RAB28: variants seen among roughly 807,000 people sequenced by gnomAD.
The protein encoded by RAB28 is ras-related protein Rab-28.
Under a neutral mutation model 31.7 loss-of-function variants are expected in RAB28, and 24 were observed. That is an observed-to-expected ratio of 0.76 (90% CI 0.55 to 1.06). RAB28 has a LOEUF of 1.06. RAB28 is among the 50% of genes least tolerant of loss of function. RAB28 has a pLI of 0.00. For synonymous variants in RAB28, 100 were observed against 90.4 expected (o/e 1.11, Z -0.60); for missense variants, 254 against 258.5 (o/e 0.98, Z 0.12).
intron 4 of RAB28, among the ~76,000 whole-genome samples, chr4:13,385,817 G>A (rs115681150): frequency 6.6e-5 from 10 of 151,990 alleles, no homozygotes; most frequent in African/African-American, 2.4e-4. Flanking sequence ...ATCCACATGC[G>A]AAAGAATAAA....
At chr4:13,402,864 G>A (rs533114953) in intron 4 of RAB28, among the ~76,000 whole-genome samples, 45 of 152,126 alleles carry the variant, frequency 3.0e-4, no homozygotes, top group Non-Finnish European at 5.9e-4. Context: ...GCGTGATCAC[G>A]GCTCACTGCA....
intron 4 of RAB28, among the ~76,000 whole-genome samples, chr4:13,433,900 T>C (rs1238125333): frequency 6.6e-6 from 1 of 152,016 alleles, no homozygotes; most frequent in Non-Finnish European, 1.5e-5. Flanking sequence ...AACAAAAACA[T>C]GGAATCAACC....
intron 4 of RAB28, among the ~76,000 whole-genome samples, chr4:13,429,955 A>C (rs573912276): frequency 6.6e-6 from 1 of 152,356 alleles, no homozygotes; most frequent in African/African-American, 2.4e-5. Context: ...TACAGTAATC[A>C]AGACAGTGTT....
intron 4 of RAB28, among the ~76,000 whole-genome samples, chr4:13,381,895 G>C (rs1320547338): frequency 6.6e-6 from 1 of 152,034 alleles, no homozygotes; most frequent in African/African-American, 2.4e-5. Context: ...ATCTGTATAA[G>C]TTCAGGCACA....
At chr4:13,419,489 C>T (rs1476778496) in intron 4 of RAB28, among the ~76,000 whole-genome samples, 2 of 152,172 alleles carry the variant, frequency 1.3e-5, no homozygotes, top group Admixed American at 6.5e-5. Context: ...AAATTGACTA[C>T]ATAGTTGGAA....
At chr4:13,470,252 C>T (rs1212363412) in intron 3 of RAB28, among the ~76,000 whole-genome samples, 1 of 151,940 alleles carries the variant, frequency 6.6e-6, no homozygotes, top group Non-Finnish European at 1.5e-5. Context: ...TATATAATAG[C>T]CATAACAACA....
At chr4:13,411,933 A>G (rs1373865561) in intron 4 of RAB28, among the ~76,000 whole-genome samples, 4 of 152,090 alleles carry the variant, frequency 2.6e-5, no homozygotes, top group East Asian at 3.9e-4. Context: ...TTTTATCTAT[A>G]TAAATTATGA....
intron 4 of RAB28, among the ~76,000 whole-genome samples, chr4:13,396,504 C>T (rs1729879058): frequency 6.6e-6 from 1 of 151,940 alleles, no homozygotes; most frequent in Non-Finnish European, 1.5e-5. Flanking sequence ...AGAAGAATTG[C>T]TAATGCAAGA....
intron 5 of RAB28, among the ~76,000 whole-genome samples, chr4:13,380,119 T>C (rs1020964360): frequency 7.9e-5 from 12 of 152,148 alleles, no homozygotes; most frequent in African/African-American, 2.7e-4. Context: ...TCTACAATTA[T>C]TGACATTACA....
At chr4:13,406,899 C>A (rs941784043) in intron 4 of RAB28, among the ~76,000 whole-genome samples, 2 of 152,122 alleles carry the variant, frequency 1.3e-5, no homozygotes, top group East Asian at 3.9e-4. Context: ...GGATATTAGC[C>A]CTTTGTCAAA....
chr4:13,377,244 G>C (rs983806487), intron 5 of RAB28, among the ~76,000 whole-genome samples: 1 of 152,146 alleles, frequency 6.6e-6, no homozygotes, highest in African/African-American at 2.4e-5. Flanking sequence ...TCCACACATA[G>C]TTAGCTTATG....
chr4:13,409,114 G>A (rs1712272322), intron 4 of RAB28, among the ~76,000 whole-genome samples: 2 of 151,892 alleles, frequency 1.3e-5, no homozygotes, highest in African/African-American at 4.8e-5. Flanking sequence ...ATCTCATGTG[G>A]GGTCAAAAGT....
chr4:13,441,557 A>G (rs1441538862), intron 4 of RAB28, among the ~76,000 whole-genome samples: 1 of 152,216 alleles, frequency 6.6e-6, no homozygotes, highest in African/African-American at 2.4e-5. Flanking sequence ...TTTCACTATA[A>G]TGATGCTTCC....
At chr4:13,433,627 C>G (rs1019016637) in intron 4 of RAB28, among the ~76,000 whole-genome samples, 1 of 150,768 alleles carries the variant, frequency 6.6e-6, no homozygotes, top group African/African-American at 2.4e-5. Context: ...TCACACCAGT[C>G]AGCTATTATT....
chr4:13,450,280 A>G (rs1217404020), intron 4 of RAB28, among the ~76,000 whole-genome samples: 1 of 151,876 alleles, frequency 6.6e-6, no homozygotes, highest in Non-Finnish European at 1.5e-5. Flanking sequence ...AGTCTTTCAT[A>G]TTTATTTAAC....
Position 13,376,639 on chromosome 4 carries a change from G to GT in RAB28, c.496-18_496-17insA. ...CAGGAAGACCTACATAACAAAAATGGGTTTAAATGATTTAAAAGAGGCATG... is the reference window on the plus strand; with the variant it reads ...CAGGAAGACCTACATAACAAAAATGGTGTTTAAATGATTTAAAAGAGGCATG... On this transcript the variant is annotated splice_polypyrimidine_tract_variant and intron_variant, in intron 5 of 6. Transcript: ENST00000330852. 1 of 1,551,500 alleles carries GT rather than the reference G, an allele frequency of 6.4e-7. No individual in the cohort carries two copies. Among genetic ancestry groups the GT allele is most frequent in the Non-Finnish European group, 8.7e-7 (1 of 1,145,862 alleles).
Position 13,368,279 on chromosome 4 carries a change from C to G in RAB28, c.*279G>C. On this transcript the variant is annotated 3_prime_UTR_variant, in exon 7 of 7. Transcript: ENST00000330852. ...ACATCAATGAAAAAAGAAGCAAGGACATACAAAGAAACAACATCATTCTTT... is the reference window on the plus strand; with the variant it reads ...ACATCAATGAAAAAAGAAGCAAGGAGATACAAAGAAACAACATCATTCTTT... 2 of 1,073,754 alleles carry G rather than the reference C, an allele frequency of 1.9e-6. No individual in the cohort carries two copies. Among genetic ancestry groups the G allele is most frequent in the Non-Finnish European group, 2.3e-6 (2 of 887,956 alleles). The allele number at this position is 1,073,754 out of a possible 1,614,324, so 66.5% of individuals were successfully genotyped here.
At chr4:13,443,496 G>C (rs1460403014) in intron 4 of RAB28, among the ~76,000 whole-genome samples, 1 of 152,120 alleles carries the variant, frequency 6.6e-6, no homozygotes, top group Non-Finnish European at 1.5e-5. Flanking sequence ...ATAATCTTAT[G>C]TGCTACTAAA....
chr4:13,407,756 C>G (rs2108906370), intron 4 of RAB28, among the ~76,000 whole-genome samples: 1 of 152,158 alleles, frequency 6.6e-6, no homozygotes, highest in East Asian at 1.9e-4. Context: ...GCATTTTATT[C>G]TCTTTTTGAA....
Sources: allele counts gnomAD v4.1 joint callset (sites outside exome capture counted in the v4.1 genomes callset), GRCh38; gene constraint gnomAD v4.1.1; transcripts MANE v1.5; gene names NCBI Gene and HGNC (gene_info 2026-07-23, HGNC 2026-07-21).